The following DNAH1 variants were observed in gnomAD, a reference collection of about 807,000 sequenced individuals.
DNAH1 encodes axonemal beta dynein heavy chain 1.
Under a neutral mutation model 484.3 loss-of-function variants are expected in DNAH1, and 327 were observed. The observed-to-expected ratio is 0.68, with a 90% CI of 0.62 to 0.74. The LOEUF is 0.74. DNAH1 is among the 30% of genes least tolerant of loss of function. The pLI, the probability that DNAH1 is intolerant of heterozygous loss-of-function variation, is 0.00. For missense variants in DNAH1, 5,052 were observed against 5,546.8 expected, an observed-to-expected ratio of 0.91 and a Z score of 2.83; for synonymous variants, 2,192 against 2,191.9, an observed-to-expected ratio of 1.00 and a Z score of 0.00.
Position 52,379,907 on chromosome 3 carries a change from C to A in DNAH1, c.7380C>A (p.Asp2460Glu), listed in dbSNP as rs1428527168. The A allele has an allele frequency of 6.4e-7, 1 of 1,558,582 alleles. No individual in the cohort carries two copies. Among genetic ancestry groups the A allele is most frequent in the Admixed American group, 1.9e-5 (1 of 51,840 alleles). Residue 2460 changes from aspartate (D) to glutamate (E), a missense_variant and splice_region_variant, in exon 48 of 78, where the codon GAC becomes GAA. Asp to Glu is a conservative substitution (Grantham distance 45, BLOSUM62 2). Around this residue, in one of 4 missense-constraint regions of DNAH1, gnomAD observed 2,929 missense variants for 3,409.4 expected, o/e 0.86. Transcript: ENST00000420323. This position sits in a 1 kb window ranked among gnomAD's most constrained non-coding sequence, Gnocchi z 4.4. ...MLMADPAKVE[D>E]QVQLLRLWYH... ...CACCGATGCTGGGGCTACTGCAGGA[C>A]CAAGTGCAGCTGCTGCGACTGTGGT...
At chr3:52,344,753 A>AC in intron 9 of DNAH1, 106 bp downstream of exon 9, 1 of 1,231,314 alleles carries the variant, frequency 8.1e-7, no homozygotes, top group Non-Finnish European at 1.1e-6. Flanking sequence ...GGGCGTCATC[A>AC]GCCCAACACT....
Position 52,326,879 on chromosome 3 carries a change from C to T in DNAH1, c.726C>T (p.Tyr242=), listed in dbSNP as rs767144733. ...EQGHDPIFPI[Y]LPLKVFDNED... ...GCCATGACCCAATCTTCCCCATCTA[C>T]CTCCCACTGAAGGTGAGCCGGGCTT... Residue 242 remains tyrosine (Y), a synonymous_variant, in exon 5 of 78, where the codon TAC becomes TAT. Transcript: ENST00000420323. The T allele has an allele frequency of 6.2e-7, 1 of 1,612,852 alleles. No individual in the cohort carries two copies.
chr3:52,318,827 A>G (rs183416411), intron 1 of DNAH1, among the ~76,000 whole-genome samples: 4 of 152,356 alleles, frequency 2.6e-5, no homozygotes, highest in Admixed American at 6.5e-5. Context: ...TGGTCGCCCC[A>G]AGGGCAGATA....
intron 9 of DNAH1, 126 bp from the exon 10 acceptor site, chr3:52,345,369 A>C: frequency 1.3e-6 from 1 of 776,814 alleles, no homozygotes; most frequent in Non-Finnish European, 2.1e-6. Context: ...GGCTCTGGGA[A>C]CGCCAGTCAC....
chr3:52,382,534 C>G, intron 50 of DNAH1, 79 bp downstream of exon 50: 2 of 1,573,098 alleles, frequency 1.3e-6, no homozygotes, highest in Non-Finnish European at 1.7e-6. Context: ...CGGAAGGTGG[C>G]CAGTCCTTCA....
At position 52,323,119 on chromosome 3, in the gene DNAH1, C is replaced by T. The variant is rs148972760; in HGVS notation, c.333+344C>T. On this transcript the variant is annotated intron_variant, in intron 2 of 77. Transcript: ENST00000420323. ...GTGGCTTTGGTAGGGAAGACCCCTT[C>T]CCCTGGCTCTGGTTGGGAAGGTTCC... Among the ~76,000 whole-genome samples, 281 of 152,270 alleles carry T rather than the reference C, an allele frequency of 1.8e-3. 1 individual carries two copies. The highest frequency in any genetic ancestry group is 0.01 in the Middle Eastern group (3 of 294).
At chr3:52,398,310 T>A in intron 75 of DNAH1, 148 bp downstream of exon 75, 1 of 1,094,024 alleles carries the variant, frequency 9.1e-7, no homozygotes, top group African/African-American at 1.6e-5. Context: ...TGACACGGAG[T>A]CTCTCTCTGT....
intron 59 of DNAH1, 66 bp downstream of exon 59, chr3:52,389,003 G>A: frequency 2.0e-6 from 3 of 1,495,100 alleles, no homozygotes; most frequent in Non-Finnish European, 2.7e-6. Context: ...CCCCCTTGAG[G>A]CCTCGCCTCC....
At chr3:52,321,706 G>C (rs1701154363) in intron 1 of DNAH1, 1 of 152,222 alleles carries the variant, frequency 6.6e-6, no homozygotes, top group South Asian at 2.1e-4. Context: ...AAGACGGGAG[G>C]GTATACGTTT....
chr3:52,345,690 C>A lies in DNAH1; in HGVS notation c.1640C>A (p.Ser547Ter). The A allele has an allele frequency of 6.2e-7, 1 of 1,612,760 alleles. No individual in the cohort carries two copies. The highest frequency in any genetic ancestry group is 1.1e-5 in the South Asian group (1 of 90,696). The change falls in exon 10 of 78, where the codon TCA becomes TAA. Residue 547 changes from serine (S) to a stop codon, truncating the protein, a stop_gained. Coordinates refer to ENST00000420323, the MANE Select transcript of DNAH1 (RefSeq NM_015512.5). LOFTEE classifies it high-confidence loss of function. ...SHLEEFEQIQ[S>*]QTFSQVQMFL... The stretch of plus-strand genomic sequence containing the variant: ...CTGGAGGAATTTGAGCAGATCCAGT[C>A]ACAGACCTTCTCCCAGGTTTGTGGG...
chr3:52,349,078 T>A lies in DNAH1; in HGVS notation c.2297T>A (p.Leu766His), dbSNP rs1702261688. 2 of 1,612,988 alleles carry A rather than the reference T, an allele frequency of 1.2e-6. No individual in the cohort carries two copies. The highest frequency in any genetic ancestry group is 2.7e-5 in the African/African-American group (2 of 74,934). The change falls in exon 13 of 78, where the codon CTC (leucine) becomes CAC (histidine). Residue 766 changes from leucine to histidine, a missense_variant. Around this residue, in one of 4 missense-constraint regions of DNAH1, gnomAD observed 1,263 missense variants for 1,218.8 expected, o/e 1.04. Transcript: ENST00000420323. ...AACAACAATGACATTGCCTCCTTTC[T>A]CAAGTGCGTACGTGTGCCCATGCAC... ...ELNNNDIASFLKTYQTQGLLA... is the reference protein window; with the variant it reads ...ELNNNDIASFHKTYQTQGLLA...
intron 46 of DNAH1, among the ~76,000 whole-genome samples, chr3:52,376,447 A>C (rs1703606526): frequency 6.6e-6 from 1 of 152,112 alleles, no homozygotes; most frequent in Non-Finnish European, 1.5e-5. Context: ...CCCTGCCTTC[A>C]GCTGAAAGAG....
chr3:52,327,744 T>C, intron 5 of DNAH1, 138 bp from the exon 6 acceptor site: 2 of 970,836 alleles, frequency 2.1e-6, no homozygotes, highest in Non-Finnish European at 3.1e-6. Flanking sequence ...GTGGAGAGGG[T>C]CAGCCCCCAG....
chr3:52,318,635 G>A (rs764298634), intron 1 of DNAH1, among the ~76,000 whole-genome samples: 6 of 152,216 alleles, frequency 3.9e-5, no homozygotes, highest in African/African-American at 9.6e-5. Context: ...AGAGATCAGC[G>A]TTACTTGAAA....
At chr3:52,393,268 G>A (rs906719622) in intron 65 of DNAH1, 66 bp from the exon 66 acceptor site, 20 of 1,599,792 alleles carry the variant, frequency 1.3e-5, no homozygotes, top group Non-Finnish European at 1.7e-5. Flanking sequence ...GGCTAGGCTG[G>A]GCTGGACCCC....
upstream of DNAH1, among the ~76,000 whole-genome samples, chr3:52,314,176 A>C (rs138603025): frequency 3.1e-3 from 470 of 152,354 alleles, 3 homozygotes; most frequent in African/African-American, 0.01. Flanking sequence ...ACGCTCACCA[A>C]ACTCCTTGGG....
At chr3:52,338,964 G>A (rs1701831992) in intron 8 of DNAH1, among the ~76,000 whole-genome samples, 1 of 151,716 alleles carries the variant, frequency 6.6e-6, no homozygotes, top group South Asian at 2.1e-4. Flanking sequence ...AACCTAGGAG[G>A]CAGAGCTTGC....
intron 44 of DNAH1, 50 bp downstream of exon 44, chr3:52,373,103 A>T (rs988663928): frequency 5.2e-6 from 8 of 1,551,304 alleles, no homozygotes; most frequent in Non-Finnish European, 7.0e-6. Context: ...CGTGCTGTGC[A>T]GGGGCACAGG....
At chr3:52,386,073 G>A (rs1045425664) in intron 54 of DNAH1, 87 bp from the exon 55 acceptor site, 44 of 1,438,234 alleles carry the variant, frequency 3.1e-5, no homozygotes, top group Non-Finnish European at 3.5e-5. Flanking sequence ...TGGAGAACAG[G>A]GCACCCCAAC....
Sources: allele counts gnomAD v4.1 joint callset (sites outside exome capture counted in the v4.1 genomes callset), GRCh38; gene constraint gnomAD v4.1.1; regional missense constraint gnomAD v4.1.1; non-coding constraint Gnocchi (gnomAD v3.1); transcripts MANE v1.5; gene names NCBI Gene and HGNC (gene_info 2026-07-23, HGNC 2026-07-21).